Variants in KIF6 observed in about 807,000 individuals in gnomAD.
The protein encoded by KIF6 is kinesin family member 6.
Under a neutral mutation model 112.7 loss-of-function variants are expected in KIF6, and 106 were observed. The ratio of observed to expected loss-of-function variants is 0.94; its 90% CI spans 0.80 to 1.11. KIF6 has a LOEUF of 1.11. KIF6 is among the 50% of genes least tolerant of loss of function. KIF6 has a pLI of 0.00. For synonymous variants in KIF6, 339 were observed against 339.9 expected (o/e 1.00, Z 0.03); for missense variants, 929 against 964.0 (o/e 0.96, Z 0.48).
At chr6:39,599,613 A>C (rs968740848) in intron 6 of KIF6, among the ~76,000 whole-genome samples, 3 of 152,240 alleles carry the variant, frequency 2.0e-5, no homozygotes, top group African/African-American at 7.2e-5. Flanking sequence ...CCGCAAACTC[A>C]AATTTAGAAC....
At chr6:39,577,924 G>A (rs1311063809) in intron 10 of KIF6, 132 bp downstream of exon 10, 13 of 590,448 alleles carry the variant, frequency 2.2e-5, no homozygotes, top group South Asian at 5.0e-5. Context: ...CTTAACTGGC[G>A]CCTAAATGCA....
At chr6:39,718,229 C>CAAAAAAA (rs35872391) in intron 2 of KIF6, among the ~76,000 whole-genome samples, 7 of 58,948 alleles carry the variant, frequency 1.2e-4, no homozygotes, top group Admixed American at 5.3e-4. Flanking sequence ...GACTCCATCT[C>CAAAAAAA]AAAAAAAAAA....
At chr6:39,505,826 T>C (rs1407668633) in intron 13 of KIF6, among the ~76,000 whole-genome samples, 1 of 152,216 alleles carries the variant, frequency 6.6e-6, no homozygotes, top group Non-Finnish European at 1.5e-5. Context: ...CCAGTCAGAA[T>C]GGCTGTTATC....
intron 3 of KIF6, among the ~76,000 whole-genome samples, chr6:39,663,703 T>A (rs1409377633): frequency 6.6e-6 from 1 of 152,022 alleles, no homozygotes. Flanking sequence ...GGAAAGGAAT[T>A]ACAAGGAGCA....
chr6:39,492,920 C>T (rs1414724208), intron 13 of KIF6, among the ~76,000 whole-genome samples: 1 of 152,166 alleles, frequency 6.6e-6, no homozygotes, highest in Non-Finnish European at 1.5e-5. Flanking sequence ...GTTGTGACTT[C>T]CTTTTCTCAT....
At chr6:39,632,206 G>A (rs1034779320) in intron 5 of KIF6, among the ~76,000 whole-genome samples, 3 of 152,136 alleles carry the variant, frequency 2.0e-5, no homozygotes, top group Non-Finnish European at 4.4e-5. Flanking sequence ...AAAAGGCAGA[G>A]TGTATGTGAG....
intron 3 of KIF6, among the ~76,000 whole-genome samples, chr6:39,659,726 T>C (rs531248364): frequency 2.0e-5 from 3 of 152,304 alleles, no homozygotes; most frequent in South Asian, 2.1e-4. Context: ...TCTGCCATGA[T>C]TGTAAGTTTT....
chr6:39,475,677 C>G (rs1029339304), intron 13 of KIF6, among the ~76,000 whole-genome samples: 6 of 152,164 alleles, frequency 3.9e-5, no homozygotes, highest in Non-Finnish European at 8.8e-5. Context: ...ATTTTATATT[C>G]TGAGCTCAGT....
chr6:39,711,277 T>TA (rs34784345), intron 3 of KIF6, among the ~76,000 whole-genome samples: 12,351 of 72,768 alleles, frequency 0.17, 1,035 homozygotes, highest in Non-Finnish European at 0.23. Flanking sequence ...ACCTGGAAAG[T>TA]AAAAAAAAAA....
intron 13 of KIF6, among the ~76,000 whole-genome samples, chr6:39,473,302 TAA>T (rs34799894): frequency 6.7e-6 from 1 of 149,760 alleles, no homozygotes; most frequent in Non-Finnish European, 1.5e-5. Flanking sequence ...TCAATTTAGG[TAA>T]AAAAAAAATA....
In KIF6 at chr6:39,647,400, C is replaced by A. The variant is rs527667791; in HGVS notation, c.252-7643G>T. On this transcript the variant is annotated intron_variant, in intron 3 of 22. Coordinates refer to ENST00000287152, the MANE Select transcript of KIF6 (RefSeq NM_145027.6). ...AAGAGGGGCAGGCAGGTGTATGGAC[C>A]CCATGACTCAGGCCTGGCCAGTCAT... is the stretch of plus-strand genomic sequence containing the variant. 1.2e-4 allele frequency among the ~76,000 whole-genome samples: 19 copies of A among 152,110 alleles called. No homozygotes were observed. In the South Asian group the frequency reaches 2.3e-3, roughly 18 times the overall value.
chr6:39,541,052 T>C (rs950033871), intron 12 of KIF6, among the ~76,000 whole-genome samples: 10 of 152,246 alleles, frequency 6.6e-5, no homozygotes, highest in African/African-American at 2.2e-4. Flanking sequence ...GCATATGGGG[T>C]AAGATGAATT....
intron 15 of KIF6, among the ~76,000 whole-genome samples, chr6:39,396,499 T>G (rs983850680): frequency 1.3e-5 from 2 of 152,018 alleles, no homozygotes; most frequent in Non-Finnish European, 2.9e-5. Context: ...TGAACAGCAG[T>G]GAAGGCCCGT....
intron 3 of KIF6, among the ~76,000 whole-genome samples, chr6:39,707,833 T>A (rs576393442): frequency 6.6e-6 from 1 of 152,318 alleles, no homozygotes; most frequent in East Asian, 1.9e-4. Flanking sequence ...GTTATTAGCA[T>A]CCCCTTTCTC....
At chr6:39,535,430 A>G (rs1042820174) in intron 13 of KIF6, among the ~76,000 whole-genome samples, 1 of 152,156 alleles carries the variant, frequency 6.6e-6, no homozygotes, top group African/African-American at 2.4e-5. Context: ...CTGATAAAAC[A>G]GACTTTAAAC....
At chr6:39,380,966 C>G (rs2150305770) in intron 16 of KIF6, among the ~76,000 whole-genome samples, 1 of 152,218 alleles carries the variant, frequency 6.6e-6, no homozygotes, top group South Asian at 2.1e-4. Flanking sequence ...AAAACGGCTC[C>G]CCACATTCCT....
intron 13 of KIF6, among the ~76,000 whole-genome samples, chr6:39,469,777 A>G (rs1197775392): frequency 6.6e-6 from 1 of 152,234 alleles, no homozygotes; most frequent in Admixed American, 6.5e-5. Context: ...TTACATATAA[A>G]CAACTAACAA....
intron 3 of KIF6, among the ~76,000 whole-genome samples, chr6:39,680,439 A>T (rs1787446935): frequency 6.6e-6 from 1 of 152,208 alleles, no homozygotes. Context: ...ACTGGTTTAG[A>T]TAGGCCTTCA....
intron 13 of KIF6, among the ~76,000 whole-genome samples, chr6:39,499,971 G>A (rs1180745247): frequency 6.6e-6 from 1 of 152,212 alleles, no homozygotes; most frequent in African/African-American, 2.4e-5. Context: ...GTGGGGAGTT[G>A]TAGCTGGTGA....
Sources: gnomAD v4.1 joint callset for allele counts (sites outside exome capture counted in the v4.1 genomes callset) on GRCh38, gnomAD v4.1.1 for gene constraint, MANE v1.5 for transcripts, NCBI Gene and HGNC (gene_info 2026-07-23, HGNC 2026-07-21) for gene names.